Variants in PKD1L3 observed in about 807,000 individuals in gnomAD.
PKD1L3 encodes the protein polycystin-1-like protein 3.
A neutral mutation model predicts 184.1 loss-of-function variants in PKD1L3; 239 were observed. That is an observed-to-expected ratio of 1.30 (90% CI 1.17 to 1.45). PKD1L3 has a LOEUF of 1.45. Ranked by LOEUF, PKD1L3 falls within the 40% of genes most tolerant of loss-of-function variation. PKD1L3 has a pLI of 0.00. For synonymous variants in PKD1L3, 996 were observed against 778.8 expected (o/e 1.28, Z -4.64); for missense variants, 2,660 against 2,067.2 (o/e 1.29, Z -5.56).
In PKD1L3 at chr16:71,964,828, GCTCT is replaced by G. The variant is rs1233127767; in HGVS notation, c.2466-1481_2466-1478del. ...GAATTTTATGTGTGTGGAATCATAT[GCTCT>G]CTCTCTATATATATGTATTTTTTTT... On this transcript the variant is annotated intron_variant, in intron 15 of 29. Coordinates refer to ENST00000620267, the MANE Select transcript of PKD1L3 (RefSeq NM_181536.2). Among the ~76,000 whole-genome samples the G allele has an allele frequency of 2.0e-5, 3 of 149,782 alleles. No individual in the cohort carries two copies. The East Asian group carries it at 5.9e-4, about 29-fold the overall frequency.
chr16:71,962,081 A>C (rs2008675), intron 16 of PKD1L3, among the ~76,000 whole-genome samples: 119,079 of 152,030 alleles, frequency 0.78, 46,926 homozygotes, highest in East Asian at 0.98. Flanking sequence ...CATGCTACCA[A>C]GTCTGGCTAA....
intron 3 of PKD1L3, among the ~76,000 whole-genome samples, chr16:71,991,840 C>A (rs1341056567): frequency 6.6e-6 from 1 of 152,176 alleles, no homozygotes. Flanking sequence ...TACAAGCAAT[C>A]TGATAGAGAT....
intron 17 of PKD1L3, among the ~76,000 whole-genome samples, chr16:71,953,840 GAC>G (rs2038942679): frequency 1.3e-5 from 2 of 152,212 alleles, no homozygotes; most frequent in South Asian, 2.1e-4. Flanking sequence ...TTTGGGTGGG[GAC>G]ACAGAGCCAA....
intron 18 of PKD1L3, 31 bp from the exon 19 acceptor site, chr16:71,951,775 C>A: frequency 6.5e-7 from 1 of 1,529,204 alleles, no homozygotes; most frequent in Non-Finnish European, 8.8e-7. Flanking sequence ...GAAAAATCAG[C>A]CTGTTTTTCA....
At chr16:71,939,721 G>C (rs2038296177) in intron 24 of PKD1L3, among the ~76,000 whole-genome samples, 1 of 152,130 alleles carries the variant, frequency 6.6e-6, no homozygotes, top group Non-Finnish European at 1.5e-5. Context: ...AGATGTGATG[G>C]AAAATGGAAG....
At chr16:71,996,421 T>G (rs1328283203) in intron 2 of PKD1L3, among the ~76,000 whole-genome samples, 3 of 151,654 alleles carry the variant, frequency 2.0e-5, no homozygotes, top group African/African-American at 7.3e-5. Context: ...CCACCACGCC[T>G]GGCTAATTTT....
rs1409840615 is a variant in PKD1L3 at position 71,958,184 on chromosome 16, G to A, written c.2613-3883C>T. 5.3e-5 allele frequency among the ~76,000 whole-genome samples: 8 copies of A among 151,272 alleles called. No individual in the cohort carries two copies. The South Asian group carries it at 1.7e-3, about 32-fold the overall frequency. On this transcript the variant is annotated intron_variant, in intron 16 of 29. Transcript: ENST00000620267. The stretch of plus-strand genomic sequence containing the variant: ...GGGCGGATCACGAGGTCAGGAGATC[G>A]AGACCATCCCGGCTAAAACGGTGAA...
chr16:71,973,731 G>C (rs867237595), intron 11 of PKD1L3, among the ~76,000 whole-genome samples: 19 of 152,268 alleles, frequency 1.2e-4, no homozygotes, highest in African/African-American at 3.6e-4. Context: ...GCCAGGTGTG[G>C]TGACTCACGC....
At chr16:71,997,012 A>C (rs1035197768) in intron 2 of PKD1L3, among the ~76,000 whole-genome samples, 4 of 148,960 alleles carry the variant, frequency 2.7e-5, no homozygotes, top group African/African-American at 1.0e-4. Context: ...TGACCTAAGA[A>C]TGAGACTGAG....
Position 71,974,514 on chromosome 16 carries a change from C to G in PKD1L3, c.1760-997G>C, listed in dbSNP as rs553719604. ...TGGCGAACATGGCAAAACCCTGTCT[C>G]TACTAAAAACACAAAAAATTAGCCA... is the stretch of plus-strand genomic sequence containing the variant. On this transcript the variant is annotated intron_variant, in intron 11 of 29. Coordinates refer to ENST00000620267, the MANE Select transcript of PKD1L3 (RefSeq NM_181536.2). Among the ~76,000 whole-genome samples the G allele has an allele frequency of 9.4e-4, 143 of 152,248 alleles. 1 individual carries two copies. Among genetic ancestry groups the G allele is most frequent in the Middle Eastern group, 3.4e-3 (1 of 294 alleles).
chr16:71,970,227 G>A, intron 12 of PKD1L3, 122 bp from the exon 13 acceptor site: 1 of 753,974 alleles, frequency 1.3e-6, no homozygotes, highest in Non-Finnish European at 2.1e-6. Context: ...TTCACAGCTG[G>A]TGATGGCGTA....
At position 71,942,899 on chromosome 16, in the gene PKD1L3, G is replaced by A. The variant is rs994780233; in HGVS notation, c.3985C>T (p.Gln1329Ter). The A allele has an allele frequency of 4.5e-6, 7 of 1,551,536 alleles. No individual in the cohort carries two copies. Among genetic ancestry groups the A allele is most frequent in the African/African-American group, 1.4e-5 (1 of 73,152 alleles). Residue 1329 changes from glutamine (Q) to a stop codon, truncating the protein, a stop_gained, in exon 24 of 30, where the codon CAG (glutamine) becomes TAG (stop). Transcript: ENST00000620267. LOFTEE classifies it high-confidence loss of function. The part of the protein sequence containing the change: ...SHQFSEIKLL[Q>*]DFYPWANHIL... Reference sequence around the variant, plus strand: ...TGATTGGCCCAGGGGTAGAAATCCTGAAGAAGTTTGATTTCCGAGAACTGG... The same window carrying A: ...TGATTGGCCCAGGGGTAGAAATCCTAAAGAAGTTTGATTTCCGAGAACTGG...
chr16:71,948,158 T>A (rs1306253784), intron 21 of PKD1L3, among the ~76,000 whole-genome samples: 1 of 152,150 alleles, frequency 6.6e-6, no homozygotes, highest in Non-Finnish European at 1.5e-5. Flanking sequence ...CTTGGCTCAG[T>A]GCAACCTCTG....
At chr16:71,961,840 G>C (rs943987730) in intron 16 of PKD1L3, among the ~76,000 whole-genome samples, 3 of 152,162 alleles carry the variant, frequency 2.0e-5, no homozygotes, top group African/African-American at 4.8e-5. Context: ...AATTGGAGCA[G>C]ATCTTAACAA....
At chr16:71,980,638 T>C (rs1001604409) in intron 7 of PKD1L3, among the ~76,000 whole-genome samples, 1 of 152,084 alleles carries the variant, frequency 6.6e-6, no homozygotes, top group African/African-American at 2.4e-5. Context: ...GTTTGAGACC[T>C]ACCTGGCCGA....
chr16:71,948,019 C>T (rs939365869), intron 21 of PKD1L3, among the ~76,000 whole-genome samples: 2 of 151,818 alleles, frequency 1.3e-5, no homozygotes, highest in South Asian at 4.2e-4. Flanking sequence ...TGGGTTCAAG[C>T]GATTCTCTTC....
chr16:71,980,862 T>C (rs1434759754), intron 7 of PKD1L3, among the ~76,000 whole-genome samples: 2 of 152,086 alleles, frequency 1.3e-5, no homozygotes, highest in East Asian at 3.9e-4. Context: ...TGGTACCCAT[T>C]AGCAGTCACT....
intron 2 of PKD1L3, among the ~76,000 whole-genome samples, chr16:71,995,833 A>G (rs539492036): frequency 1.3e-5 from 2 of 152,324 alleles, no homozygotes; most frequent in South Asian, 2.1e-4. Flanking sequence ...ATAAATATAT[A>G]CAGATTATAT....
At chr16:71,941,127 C>T (rs1356192556) in intron 24 of PKD1L3, among the ~76,000 whole-genome samples, 1 of 151,980 alleles carries the variant, frequency 6.6e-6, no homozygotes, top group African/African-American at 2.4e-5. Flanking sequence ...CTTGAGACAC[C>T]GCACCCAGCC....
Sources: gnomAD v4.1 joint callset for allele counts (sites outside exome capture counted in the v4.1 genomes callset) on GRCh38, gnomAD v4.1.1 for gene constraint, MANE v1.5 for transcripts, NCBI Gene and HGNC (gene_info 2026-07-23, HGNC 2026-07-21) for gene names.